The following KCNIP2 variants were observed in gnomAD, a reference collection of about 807,000 sequenced individuals.
KCNIP2 encodes the protein A-type potassium channel modulatory protein KCNIP2.
Under a neutral mutation model 39.0 loss-of-function variants are expected in KCNIP2, and 19 were observed. The observed-to-expected ratio is 0.49, with a 90% CI of 0.34 to 0.71. KCNIP2 has a LOEUF of 0.71. Among genes scored for constraint, KCNIP2 ranks in the 30% least tolerant of loss-of-function variants. The pLI is 0.01. For missense variants in KCNIP2, 261 were observed against 346.0 expected (o/e 0.75, Z 1.95); for synonymous variants, 111 against 131.2 (o/e 0.85, Z 1.05).
In KCNIP2 at chr10:101,829,066, T is replaced by C; in HGVS notation, c.348+9A>G. The C allele has an allele frequency of 6.2e-7, 1 of 1,613,030 alleles. No individual in the cohort carries two copies. The highest frequency in any genetic ancestry group is 1.1e-5 in the South Asian group (1 of 90,978). The stretch of plus-strand genomic sequence containing the variant: ...ACCCTCGCTGAGTTTGGCCTCGCCT[T>C]GCACTCACGTTCTTGAAGCCCCGGT... On this transcript the variant is annotated intron_variant, in intron 4 of 9. Transcript: ENST00000356640.
rs778000542 is a variant in KCNIP2 at position 101,831,632 on chromosome 10, C to T, written c.74-465G>A. ...ATATCCAGTAACTCACACCTGATGG[C>T]GTAATATGCATGCTCACACACACAC... On this transcript the variant is annotated intron_variant, in intron 1 of 9. Transcript: ENST00000356640. 5.6e-4 allele frequency among the ~76,000 whole-genome samples: 85 copies of T among 152,096 alleles called. 1 individual carries two copies. The highest frequency in any genetic ancestry group is 8.2e-4 in the Non-Finnish European group (56 of 67,966).
chr10:101,833,668 C>G (rs1436632796), intron 1 of KCNIP2, among the ~76,000 whole-genome samples: 1 of 152,132 alleles, frequency 6.6e-6, no homozygotes, highest in Non-Finnish European at 1.5e-5. Flanking sequence ...TGCCCTGTCA[C>G]TCTCACACAT....
chr10:101,832,296 CTGTGTGTGTGTGTG>C (rs57005983), intron 1 of KCNIP2, among the ~76,000 whole-genome samples: 80 of 140,068 alleles, frequency 5.7e-4, no homozygotes, highest in Middle Eastern at 3.6e-3. Flanking sequence ...CTCAGTGTTA[CTGTGTGTGTGTGTG>C]TGTGTGTGTG....
At chr10:101,836,820 G>C (rs867668065) in intron 1 of KCNIP2, among the ~76,000 whole-genome samples, 1 of 152,178 alleles carries the variant, frequency 6.6e-6, no homozygotes, top group Non-Finnish European at 1.5e-5. Context: ...AATTAGCCGG[G>C]CGTGGTGGCA....
Position 101,828,608 on chromosome 10 carries a change from T to A in KCNIP2, c.418+19A>T. 1 of 1,612,080 alleles carries A rather than the reference T, an allele frequency of 6.2e-7. No homozygotes were observed. The highest frequency in any genetic ancestry group is 8.5e-7 in the Non-Finnish European group (1 of 1,178,208). On this transcript the variant is annotated intron_variant, in intron 5 of 9. Coordinates refer to ENST00000356640, the MANE Select transcript of KCNIP2 (RefSeq NM_173191.3). The surrounding 1 kb of genome is among the most constrained non-coding windows in gnomAD (Gnocchi z 6.6). ...CCTAGAGAAGGACAACTGCTTCCCC[T>A]TGGGCCTTGTCCCCTCACCTCCTTG...
chr10:101,829,050 G>C, intron 4 of KCNIP2, 25 bp downstream of exon 4: 1 of 1,608,786 alleles, frequency 6.2e-7, no homozygotes, highest in African/African-American at 1.3e-5. Flanking sequence ...CACCCTCGCT[G>C]AGTTTGGCCT....
chr10:101,843,695 TGA>T lies in KCNIP2; in HGVS notation c.-129_-128del. On this transcript the variant is annotated 5_prime_UTR_variant, in exon 1 of 10. Coordinates refer to ENST00000356640, the MANE Select transcript of KCNIP2 (RefSeq NM_173191.3). The surrounding 1 kb of genome is among the most constrained non-coding windows in gnomAD (Gnocchi z 6.7). Reference sequence around the variant, plus strand: ...GGGCTGGGGAAGTCCGGGCTGAGGCTGAGTCTGGGAATGGGCCCGGGGTCTGA... The same window carrying T: ...GGGCTGGGGAAGTCCGGGCTGAGGCTGTCTGGGAATGGGCCCGGGGTCTGA... 2.1e-6 allele frequency: 1 copy of T among 484,508 alleles called. No homozygotes were observed. Among genetic ancestry groups the T allele is most frequent in the Non-Finnish European group, 3.6e-6 (1 of 279,546 alleles). 30.0% of individuals were successfully genotyped at this position (484,508 alleles called of 1,614,324 possible).
intron 1 of KCNIP2, among the ~76,000 whole-genome samples, chr10:101,840,485 G>A (rs1217016643): frequency 6.7e-6 from 1 of 149,076 alleles, no homozygotes. Context: ...TCTCGGTGCG[G>A]CAGGTTCACA....
rs535757575 is a variant in KCNIP2 at position 101,830,322 on chromosome 10, C to T, written c.170-425G>A. On this transcript the variant is annotated intron_variant, in intron 2 of 9. Coordinates refer to ENST00000356640, the MANE Select transcript of KCNIP2 (RefSeq NM_173191.3). ...GCGTCTGGAGGAGGGCAGGCGCCAT[C>T]CTCTACACCTGTCACCATCCTGTCG... is the stretch of plus-strand genomic sequence containing the variant. 3.3e-5 allele frequency: 36 copies of T among 1,096,250 alleles called. No homozygotes were observed. The South Asian group carries it at 5.6e-4, about 17-fold the overall frequency. The allele number at this position is 1,096,250 out of a possible 1,614,324, so 67.9% of individuals were successfully genotyped here.
chr10:101,829,255 C>G, intron 3 of KCNIP2, 56 bp from the exon 4 acceptor site: 1 of 1,548,754 alleles, frequency 6.5e-7, no homozygotes, highest in Admixed American at 1.8e-5. Flanking sequence ...GACCCCTCTT[C>G]AAATCACTGC....
chr10:101,831,320 C>G (rs1253401517), intron 1 of KCNIP2, among the ~76,000 whole-genome samples, 153 bp from the exon 2 acceptor site: 1 of 152,140 alleles, frequency 6.6e-6, no homozygotes, highest in Non-Finnish European at 1.5e-5. Flanking sequence ...TGGTTGGAAT[C>G]GGGTTAGGGG....
rs2066232831 is a variant in KCNIP2 at position 101,838,681 on chromosome 10, CAGA to C, written c.73+4812_73+4814del. 6.6e-6 allele frequency among the ~76,000 whole-genome samples: 1 copy of C among 152,198 alleles called. No homozygotes were observed. Among genetic ancestry groups the C allele is most frequent in the Admixed American group, 6.5e-5 (1 of 15,282 alleles). On this transcript the variant is annotated intron_variant, in intron 1 of 9. Coordinates refer to ENST00000356640, the MANE Select transcript of KCNIP2 (RefSeq NM_173191.3). This position sits in a 1 kb window ranked among gnomAD's most constrained non-coding sequence, Gnocchi z 4.0. ...GGGGGCTTGGAGGTTGTATGCTCCC[CAGA>C]AGATTTCCAGGTATGGTTCTGGCTC...
In KCNIP2 at chr10:101,843,464, TC is replaced by T; in HGVS notation, c.73+31del. 1 of 1,443,746 alleles carries T rather than the reference TC, an allele frequency of 6.9e-7. No homozygotes were observed. Among genetic ancestry groups the T allele is most frequent in the Non-Finnish European group, 9.3e-7 (1 of 1,071,254 alleles). 89.4% of individuals were successfully genotyped at this position (1,443,746 alleles called of 1,614,324 possible). A position where few individuals can be genotyped will look rare whatever the true frequency, so the allele number is the denominator to read the frequency against. On this transcript the variant is annotated intron_variant, in intron 1 of 9. Transcript: ENST00000356640. The surrounding 1 kb of genome is among the most constrained non-coding windows in gnomAD (Gnocchi z 6.7). ...GGGTCTGGAGGAATGGAATCCACCC[TC>T]CCTCCCGCGACCCCCACGTCACTGA...
Position 101,827,235 on chromosome 10 carries a change from C to T in KCNIP2, c.*118G>A. On this transcript the variant is annotated 3_prime_UTR_variant, in exon 10 of 10. Coordinates refer to ENST00000356640, the MANE Select transcript of KCNIP2 (RefSeq NM_173191.3). ...ACTGAATCCCCAAGCTCTTGGATCCCTCCAGCCCCCAGGGAGGCGTAGGAT... is the reference window on the plus strand; with the variant it reads ...ACTGAATCCCCAAGCTCTTGGATCCTTCCAGCCCCCAGGGAGGCGTAGGAT... The T allele has an allele frequency of 7.1e-7, 1 of 1,416,406 alleles. No homozygotes were observed. The highest frequency in any genetic ancestry group is 1.9e-5 in the South Asian group (1 of 51,682). The allele number at this position is 1,416,406 out of a possible 1,614,324, so 87.7% of individuals were successfully genotyped here.
In KCNIP2 at chr10:101,831,085, G is replaced by C. The variant is rs1223077502; in HGVS notation, c.156C>G (p.Pro52=). The C allele has an allele frequency of 5.0e-6, 8 of 1,613,690 alleles. No homozygotes were observed. In the South Asian group the frequency reaches 8.8e-5, roughly 18 times the overall value. The change falls in exon 2 of 10, where the codon CCC becomes CCG. Residue 52 remains proline (P), a synonymous_variant. Transcript: ENST00000356640. The part of the protein sequence containing the change: ...LLPCCGPQAL[P]SVSETLAAPA... The stretch of plus-strand genomic sequence containing the variant: ...AGAGGCACTTGCTTTCACTGACTGA[G>C]GGCAGGGCTTGGGGCCCGCAGCACG...
At position 101,843,490 on chromosome 10, in the gene KCNIP2, A is replaced by G; in HGVS notation, c.73+6T>C. 2 of 1,550,950 alleles carry G rather than the reference A, an allele frequency of 1.3e-6. No homozygotes were observed. The highest frequency in any genetic ancestry group is 1.4e-5 in the African/African-American group (1 of 71,168). On this transcript the variant is annotated splice_donor_region_variant and intron_variant, in intron 1 of 9. Coordinates refer to ENST00000356640, the MANE Select transcript of KCNIP2 (RefSeq NM_173191.3). This position sits in a 1 kb window ranked among gnomAD's most constrained non-coding sequence, Gnocchi z 6.7. ...CCCTCCCGCGACCCCCACGTCACTGACTCACCCGTGAGCTGGTCGTAGGAG... is the reference window on the plus strand; with the variant it reads ...CCCTCCCGCGACCCCCACGTCACTGGCTCACCCGTGAGCTGGTCGTAGGAG...
chr10:101,843,471 CG>C lies in KCNIP2; in HGVS notation c.73+24del. The C allele has an allele frequency of 6.7e-7, 1 of 1,494,028 alleles. No individual in the cohort carries two copies. The highest frequency in any genetic ancestry group is 2.1e-5 in the Admixed American group (1 of 48,554). 92.5% of individuals were successfully genotyped at this position (1,494,028 alleles called of 1,614,324 possible). Reference sequence around the variant, plus strand: ...GAGGAATGGAATCCACCCTCCCTCCCGCGACCCCCACGTCACTGACTCACCC... The same window carrying C: ...GAGGAATGGAATCCACCCTCCCTCCCCGACCCCCACGTCACTGACTCACCC... On this transcript the variant is annotated intron_variant, in intron 1 of 9. Transcript: ENST00000356640. This position sits in a 1 kb window ranked among gnomAD's most constrained non-coding sequence, Gnocchi z 6.7.
chr10:101,843,151 G>C lies in KCNIP2; in HGVS notation c.73+345C>G, dbSNP rs1293684528. 6.6e-6 allele frequency among the ~76,000 whole-genome samples: 1 copy of C among 152,168 alleles called. No homozygotes were observed. The highest frequency in any genetic ancestry group is 1.5e-5 in the Non-Finnish European group (1 of 68,022). On this transcript the variant is annotated intron_variant, in intron 1 of 9. Transcript: ENST00000356640. This position sits in a 1 kb window ranked among gnomAD's most constrained non-coding sequence, Gnocchi z 6.7. ...CTCACCCTAGCTGTCACCAAGCCCAGGGCACATGGCAACCAGCTGTGGGAG... is the reference window on the plus strand; with the variant it reads ...CTCACCCTAGCTGTCACCAAGCCCACGGCACATGGCAACCAGCTGTGGGAG...
rs1418080327 is a variant in KCNIP2, at chr10:101,843,205, AG to A, written c.73+290del. ...CGCGCGCACACACACACACACACACAGAATGACAGGTGCTCACGCACGTAAC... is the reference window on the plus strand; with the variant it reads ...CGCGCGCACACACACACACACACACAAATGACAGGTGCTCACGCACGTAAC... On this transcript the variant is annotated intron_variant, in intron 1 of 9. Coordinates refer to ENST00000356640, the MANE Select transcript of KCNIP2 (RefSeq NM_173191.3). The surrounding 1 kb of genome is among the most constrained non-coding windows in gnomAD (Gnocchi z 6.7). Among the ~76,000 whole-genome samples, 3 of 152,214 alleles carry A rather than the reference AG, an allele frequency of 2.0e-5. No individual in the cohort carries two copies. Among genetic ancestry groups the A allele is most frequent in the African/African-American group, 7.2e-5 (3 of 41,452 alleles).
Sources: gnomAD v4.1 joint callset for allele counts (sites outside exome capture counted in the v4.1 genomes callset) on GRCh38, gnomAD v4.1.1 for gene constraint, Gnocchi (gnomAD v3.1) non-coding constraint, MANE v1.5 for transcripts, NCBI Gene and HGNC (gene_info 2026-07-23, HGNC 2026-07-21) for gene names.